Variants in ZNF157 observed in about 807,000 individuals in gnomAD.
ZNF157 encodes the protein zinc finger protein 157, also known as zinc finger protein 22.
A neutral mutation model predicts 9.4 loss-of-function variants in ZNF157; 8 were observed. The observed-to-expected ratio is 0.85, with a 90% CI of 0.50 to 1.53. ZNF157 has a LOEUF of 1.53. Among genes scored for constraint, ZNF157 ranks in the 40% most tolerant of loss-of-function variants. The probability of loss-of-function intolerance (pLI) is 0.00; values close to 1 mark genes in which losing one functional copy is unlikely to be tolerated. For missense variants in ZNF157, 316 were observed against 385.2 expected, an observed-to-expected ratio of 0.82 and a Z score of 1.50; for synonymous variants, 120 against 130.8, an observed-to-expected ratio of 0.92 and a Z score of 0.56.
chrX:47,395,834 G>A lies in ZNF157; in HGVS notation c.73-14442G>A, dbSNP rs7057186. ...GCAAAAATTAGCCAGGTGTGGTGGC[G>A]TGTGCCTGTGGTCCCAGCTACTCAG... On this transcript the variant is annotated intron_variant, in intron 1 of 3. Coordinates refer to ENST00000377073, the MANE Select transcript of ZNF157 (RefSeq NM_003446.4). 1.9e-3 allele frequency among the ~76,000 whole-genome samples: 213 copies of A among 111,149 alleles called. 1 individual carries two copies. Among genetic ancestry groups the A allele is most frequent in the African/African-American group, 6.8e-3 (208 of 30,685 alleles).
intron 1 of ZNF157, among the ~76,000 whole-genome samples, chrX:47,375,040 A>G (rs1476604010): frequency 6.6e-5 from 2 of 30,162 alleles, no homozygotes; most frequent in African/African-American, 1.1e-4. Context: ...TTTTTCAGAC[A>G]GAGTCTTGCT....
intron 1 of ZNF157, among the ~76,000 whole-genome samples, chrX:47,393,240 A>G (rs1602766594): frequency 1.8e-5 from 2 of 111,356 alleles, no homozygotes; most frequent in Non-Finnish European, 3.8e-5. Flanking sequence ...CCTTGGAGTC[A>G]TTCTTCCTTT....
At chrX:47,372,817 C>T (rs2055832699) in intron 1 of ZNF157, among the ~76,000 whole-genome samples, 1 of 109,856 alleles carries the variant, frequency 9.1e-6, no homozygotes, top group Non-Finnish European at 1.9e-5. Flanking sequence ...TTTAAAATAT[C>T]CTTTATTGGT....
At chrX:47,378,698 C>T (rs1007221115) in intron 1 of ZNF157, among the ~76,000 whole-genome samples, 1 of 111,241 alleles carries the variant, frequency 9.0e-6, no homozygotes, top group African/African-American at 3.3e-5. Context: ...ATTAGCTGGG[C>T]GTGGTGGCCT....
intron 1 of ZNF157, among the ~76,000 whole-genome samples, chrX:47,399,651 T>A (rs1012463052): frequency 1.8e-5 from 2 of 111,609 alleles, no homozygotes; most frequent in East Asian, 5.6e-4. Flanking sequence ...GCCAGCTCTT[T>A]AAGCCCATGT....
chrX:47,391,991 G>A lies in ZNF157; in HGVS notation c.73-18285G>A, dbSNP rs775477638. Among the ~76,000 whole-genome samples, 247 of 109,507 alleles carry A rather than the reference G, an allele frequency of 2.3e-3. 1 individual carries two copies. The highest frequency in any genetic ancestry group is 2.5e-3 in the Non-Finnish European group (129 of 52,624). The stretch of plus-strand genomic sequence containing the variant: ...CGCAAGCTCCACTTCCCAGGTTCAC[G>A]CCATTCTCCTGCCTCAGCCTCCTAA... On this transcript the variant is annotated intron_variant, in intron 1 of 3. Transcript: ENST00000377073.
chrX:47,384,980 G>C (rs1463999496), intron 1 of ZNF157, among the ~76,000 whole-genome samples: 2 of 111,408 alleles, frequency 1.8e-5, no homozygotes, highest in Non-Finnish European at 3.8e-5. Flanking sequence ...TTTCCGCCGG[G>C]ACTGATGGAG....
At chrX:47,398,493 A>ATTTCTTTTTCTT (rs199676394) in intron 1 of ZNF157, among the ~76,000 whole-genome samples, 3 of 108,259 alleles carry the variant, frequency 2.8e-5, no homozygotes, top group Admixed American at 9.9e-5. Context: ...TTCTTTTTTT[A>ATTTCTTTTTCTT]TTTCTTTTTC....
At chrX:47,375,904 A>C (rs1250409273) in intron 1 of ZNF157, among the ~76,000 whole-genome samples, 1 of 111,175 alleles carries the variant, frequency 9.0e-6, no homozygotes, top group Non-Finnish European at 1.9e-5. Flanking sequence ...CATGTTGCCC[A>C]GTGTGGTCTT....
chrX:47,382,218 T>C lies in ZNF157; in HGVS notation c.72+11478T>C, dbSNP rs756303167. 9.1e-5 allele frequency among the ~76,000 whole-genome samples: 10 copies of C among 109,621 alleles called. No homozygotes were observed. The East Asian group carries it at 2.8e-3, about 31-fold the overall frequency. ...GAGGACATTGAGTTCTGTCTGTCCT[T>C]TGTCATCCTGCACCTGTGAAGATAA... On this transcript the variant is annotated intron_variant, in intron 1 of 3. Coordinates refer to ENST00000377073, the MANE Select transcript of ZNF157 (RefSeq NM_003446.4).
chrX:47,401,442 C>T (rs2055930092), intron 1 of ZNF157, among the ~76,000 whole-genome samples: 1 of 112,082 alleles, frequency 8.9e-6, no homozygotes, highest in African/African-American at 3.2e-5. Context: ...GTAAATATGG[C>T]CTTCTTTTGT....
chrX:47,409,373 C>T (rs375219033), intron 1 of ZNF157, among the ~76,000 whole-genome samples: 3 of 111,843 alleles, frequency 2.7e-5, no homozygotes, highest in Admixed American at 1.9e-4. Context: ...GTCTCTCTGT[C>T]GCCCAGGCTG....
chrX:47,379,724 CTTT>C (rs200985634), intron 1 of ZNF157, among the ~76,000 whole-genome samples: 8 of 62,751 alleles, frequency 1.3e-4, no homozygotes, highest in African/African-American at 1.3e-4. Context: ...TGTCTAGATG[CTTT>C]TTTTTTTTTT....
At chrX:47,398,508 T>C (rs1482296083) in intron 1 of ZNF157, among the ~76,000 whole-genome samples, 2 of 111,383 alleles carry the variant, frequency 1.8e-5, no homozygotes, top group Non-Finnish European at 3.8e-5. Flanking sequence ...TTTTTCTTTT[T>C]CTTTTTTTTT....
chrX:47,379,947 A>G (rs1315213277), intron 1 of ZNF157, among the ~76,000 whole-genome samples: 7 of 110,425 alleles, frequency 6.3e-5, no homozygotes, highest in African/African-American at 2.3e-4. Flanking sequence ...ATAGTAAGTC[A>G]TGAAGTTGGG....
Position 47,383,233 on chromosome X carries a change from G to A in ZNF157, c.72+12493G>A, listed in dbSNP as rs1243817122. The stretch of plus-strand genomic sequence containing the variant: ...AAAAATACAAAAAAATTAGCCAGGC[G>A]TGGTGGCGGGCACCTGTAGTCCCAG... On this transcript the variant is annotated intron_variant, in intron 1 of 3. Transcript: ENST00000377073. 2.1e-4 allele frequency among the ~76,000 whole-genome samples: 23 copies of A among 107,185 alleles called. 1 individual carries two copies. The highest frequency in any genetic ancestry group is 3.7e-4 in the African/African-American group (11 of 29,562). 93.1% of individuals were successfully genotyped at this position (107,185 alleles called of 115,157 possible).
At chrX:47,408,442 T>C (rs1317764980) in intron 1 of ZNF157, among the ~76,000 whole-genome samples, 1 of 108,554 alleles carries the variant, frequency 9.2e-6, no homozygotes, top group Admixed American at 1.0e-4. Context: ...TAAGATAGGA[T>C]CTCGCTCTGT....
At position 47,413,411 on chromosome X, in the gene ZNF157, A is replaced by G; in HGVS notation, c.1338A>G (p.Glu446=). 8.3e-7 allele frequency: 1 copy of G among 1,211,852 alleles called. No homozygotes were observed. Residue 446 remains glutamate (E), a synonymous_variant, in exon 4 of 4, where the codon GAA becomes GAG. Coordinates refer to ENST00000377073, the MANE Select transcript of ZNF157 (RefSeq NM_003446.4). ...HTGEKPYECS[E]CGNAFYVKVR... ...GAGAGAAACCTTATGAATGTAGTGA[A>G]TGTGGAAATGCCTTCTATGTGAAAG...
chrX:47,389,410 C>T (rs916439482), intron 1 of ZNF157, among the ~76,000 whole-genome samples: 1 of 107,428 alleles, frequency 9.3e-6, no homozygotes, highest in South Asian at 4.1e-4. Context: ...AGTGCAGTGG[C>T]CTGATCACAG....
Sources: gnomAD v4.1 joint callset for allele counts (sites outside exome capture counted in the v4.1 genomes callset) on GRCh38, gnomAD v4.1.1 for gene constraint, MANE v1.5 for transcripts, NCBI Gene and HGNC (gene_info 2026-07-23, HGNC 2026-07-21) for gene names.